The following STRN variants were observed in gnomAD, a reference collection of about 807,000 sequenced individuals.
STRN encodes the protein protein phosphatase 2 regulatory subunit B'''alpha.
In STRN, 53 loss-of-function variants were observed where a neutral mutation model predicts 96.3. That is an observed-to-expected ratio of 0.55 (90% confidence interval 0.44 to 0.69). The LOEUF (loss-of-function observed/expected upper bound fraction) is 0.69. Among genes scored for constraint, STRN ranks in the 30% least tolerant of loss-of-function variants. The probability of loss-of-function intolerance (pLI) is 0.00; values close to 1 mark genes in which losing one functional copy is unlikely to be tolerated. For missense variants in STRN, 987 were observed against 963.9 expected (o/e 1.02, Z -0.32); for synonymous variants, 428 against 355.9 (o/e 1.20, Z -2.28).
chr2:36,905,967 G>A (rs1055606669), intron 3 of STRN, among the ~76,000 whole-genome samples: 5 of 152,080 alleles, frequency 3.3e-5, no homozygotes, highest in Non-Finnish European at 7.4e-5. Flanking sequence ...ATCAGAACTA[G>A]AACAAGCCAA....
intron 1 of STRN, among the ~76,000 whole-genome samples, chr2:36,950,910 G>C (rs1293284631): frequency 6.6e-6 from 1 of 152,156 alleles, no homozygotes; most frequent in Non-Finnish European, 1.5e-5. Context: ...GTAAGTTCCA[G>C]ATAATTGAGG....
chr2:36,916,072 G>C lies in STRN; in HGVS notation c.412+6C>G. 1.2e-6 allele frequency: 2 copies of C among 1,610,088 alleles called. No homozygotes were observed. The highest frequency in any genetic ancestry group is 1.7e-6 in the Non-Finnish European group (2 of 1,177,546). ...AACACTTAAACTTCCATTAAAATTA[G>C]CTTACCAGAATCATAGCTTGGAGGC... On this transcript the variant is annotated splice_donor_region_variant and intron_variant, in intron 3 of 17. Transcript: ENST00000263918.
At chr2:36,883,843 C>A in intron 9 of STRN, 89 bp downstream of exon 9, 8 of 1,215,024 alleles carry the variant, frequency 6.6e-6, no homozygotes, top group South Asian at 3.7e-5. Context: ...GAATAAAGTT[C>A]TCTCTAATAG....
At chr2:36,938,423 C>G (rs757770944) in intron 1 of STRN, among the ~76,000 whole-genome samples, 2 of 149,400 alleles carry the variant, frequency 1.3e-5, no homozygotes, top group Non-Finnish European at 3.0e-5. Flanking sequence ...AAGATTCTGT[C>G]TCAATTAAAA....
Position 36,849,525 on chromosome 2 carries a change from T to C in STRN, c.2274A>G (p.Val758=), listed in dbSNP as rs1311602912. The C allele has an allele frequency of 5.0e-6, 8 of 1,614,184 alleles. No homozygotes were observed. The highest frequency in any genetic ancestry group is 5.9e-6 in the Non-Finnish European group (7 of 1,180,014). ...RKKFEESIHD[V]AFHPSKCYIA... is the part of the protein sequence containing the mutation. ...TATAGCATTTGGATGGGTGGAAAGC[T>C]ACATCATGAATCGATTCTTCAAACT... Residue 758 remains valine, a synonymous_variant, in exon 18 of 18, where the codon GTA becomes GTG. Transcript: ENST00000263918.
chr2:36,917,146 T>C (rs1176690717), intron 2 of STRN, among the ~76,000 whole-genome samples: 2 of 151,288 alleles, frequency 1.3e-5, no homozygotes, highest in East Asian at 3.9e-4. Context: ...GGAAGCAAAG[T>C]GTAACACAGC....
At chr2:36,851,166 G>A (rs1668211685) in intron 15 of STRN, 59 bp from the exon 16 acceptor site, 1 of 1,433,980 alleles carries the variant, frequency 7.0e-7, no homozygotes, top group Admixed American at 1.7e-5. Flanking sequence ...TCACACAAAG[G>A]AGAACTGAAT....
Position 36,877,982 on chromosome 2 carries a change from A to G in STRN, c.1232T>C (p.Met411Thr). The change falls in exon 10 of 18, where the codon ATG (methionine) becomes ACG (threonine). Residue 411 changes from methionine (M) to threonine (T), a missense_variant. Physicochemically the swap from Met to Thr is moderately conservative, Grantham distance 81. Transcript: ENST00000263918. ...FPPSSGKSFI[M>T]GADEALESEL... Reference sequence around the variant, plus strand: ...ACTTTCAAGGGCTTCATCTGCTCCCATGATGAATGACTTTCCAGAAGAAGG... The same window carrying G: ...ACTTTCAAGGGCTTCATCTGCTCCCGTGATGAATGACTTTCCAGAAGAAGG... The G allele has an allele frequency of 1.2e-6, 2 of 1,614,116 alleles. No individual in the cohort carries two copies. The highest frequency in any genetic ancestry group is 1.6e-4 in the Middle Eastern group (1 of 6,062).
At chr2:36,955,519 G>A (rs1053763983) in intron 1 of STRN, among the ~76,000 whole-genome samples, 1 of 152,188 alleles carries the variant, frequency 6.6e-6, no homozygotes, top group African/African-American at 2.4e-5. Context: ...ACAGGTTAAT[G>A]TGTGCAGTTT....
intron 1 of STRN, among the ~76,000 whole-genome samples, chr2:36,928,812 G>C (rs1380474751): frequency 2.6e-5 from 4 of 151,450 alleles, no homozygotes; most frequent in African/African-American, 9.7e-5. Flanking sequence ...AGCCGGGCGT[G>C]GTGGCAGGTG....
chr2:36,906,095 A>T (rs1669811804), intron 3 of STRN, among the ~76,000 whole-genome samples: 1 of 152,232 alleles, frequency 6.6e-6, no homozygotes, highest in Non-Finnish European at 1.5e-5. Context: ...ACTAGTACAC[A>T]TTGCATGCCT....
intron 1 of STRN, among the ~76,000 whole-genome samples, chr2:36,936,797 T>G (rs1215126388): frequency 1.3e-5 from 2 of 152,246 alleles, no homozygotes; most frequent in Non-Finnish European, 2.9e-5. Flanking sequence ...TGAAACAGAT[T>G]ACAGGCTTTC....
intron 1 of STRN, among the ~76,000 whole-genome samples, chr2:36,942,810 C>G (rs1052086004): frequency 7.9e-5 from 12 of 152,098 alleles, no homozygotes; most frequent in Non-Finnish European, 1.3e-4. Context: ...ATTCTGATGA[C>G]TCAGCCTTCT....
In STRN at chr2:36,920,222, A is replaced by AT. The variant is rs1158157927; in HGVS notation, c.339-4072dup. 3.9e-5 allele frequency among the ~76,000 whole-genome samples: 6 copies of AT among 152,244 alleles called. No individual in the cohort carries two copies. In the East Asian group the frequency reaches 1.2e-3, roughly 29 times the overall value. On this transcript the variant is annotated intron_variant, in intron 2 of 17. Coordinates refer to ENST00000263918, the MANE Select transcript of STRN (RefSeq NM_003162.4). ...AGTATATTTCAAATTTTCCTCAATAATTTTTTTTAAAATTCAATTTAAAAT... is the reference window on the plus strand; with the variant it reads ...AGTATATTTCAAATTTTCCTCAATAATTTTTTTTTAAAATTCAATTTAAAAT...
intron 16 of STRN, among the ~76,000 whole-genome samples, chr2:36,850,028 G>A (rs1161249918): frequency 1.3e-5 from 2 of 152,158 alleles, no homozygotes; most frequent in Admixed American, 6.5e-5. Flanking sequence ...TGTCTTTTAA[G>A]CCACGATATG....
Position 36,899,638 on chromosome 2 carries a change from G to C in STRN, c.680C>G (p.Ser227Cys), listed in dbSNP as rs1249554546. 5 of 1,610,790 alleles carry C rather than the reference G, an allele frequency of 3.1e-6. No homozygotes were observed. The highest frequency in any genetic ancestry group is 3.4e-6 in the Non-Finnish European group (4 of 1,178,530). ...TTTGAAATTATCCAGCACGGAGGCA[G>C]AATCTGTTAACTCAGATTTTCTGGT... Reference protein sequence around the residue: ...AMIAKSELTDSASVLDNFKFL... With the variant: ...AMIAKSELTDCASVLDNFKFL... Residue 227 changes from serine (S) to cysteine (C), a missense_variant, in exon 6 of 18, where the codon TCT becomes TGT. Physicochemically the swap from Ser to Cys is moderately radical, Grantham distance 112. Coordinates refer to ENST00000263918, the MANE Select transcript of STRN (RefSeq NM_003162.4).
chr2:36,917,621 C>T (rs1670142791), intron 2 of STRN, among the ~76,000 whole-genome samples: 1 of 150,534 alleles, frequency 6.6e-6, no homozygotes, highest in South Asian at 2.1e-4. Flanking sequence ...TGAAATCTTT[C>T]TTATTTTGCA....
At chr2:36,894,813 G>A (rs1669496273) in intron 6 of STRN, among the ~76,000 whole-genome samples, 2 of 152,180 alleles carry the variant, frequency 1.3e-5, no homozygotes, top group South Asian at 4.1e-4. Flanking sequence ...CTAGAGAGTT[G>A]AGAAGTAGAC....
Position 36,902,685 on chromosome 2 carries a change from C to G in STRN, c.558G>C (p.Leu186Phe), listed in dbSNP as rs1043050578. The G allele has an allele frequency of 8.1e-6, 13 of 1,611,674 alleles. No homozygotes were observed. The Admixed American group carries it at 1.5e-4, about 19-fold the overall frequency. Residue 186 changes from leucine (L) to phenylalanine (F), a missense_variant, in exon 5 of 18, where the codon TTG becomes TTC. Leu to Phe is a conservative substitution (Grantham distance 22). Transcript: ENST00000263918. Reference protein sequence around the residue: ...LDVKSKRVRALLGFSSDVTDR... With the variant: ...LDVKSKRVRAFLGFSSDVTDR... ...CCGTGACATCACTTGAAAAGCCCAA[C>G]AAAGCTCGCACTCGTTTAGATTTCA...
Sources: gnomAD v4.1 joint callset for allele counts (sites outside exome capture counted in the v4.1 genomes callset) on GRCh38, gnomAD v4.1.1 for gene constraint, MANE v1.5 for transcripts, NCBI Gene and HGNC (gene_info 2026-07-23, HGNC 2026-07-21) for gene names.